MAMDC4: variants seen among roughly 807,000 people sequenced by gnomAD.
MAMDC4 encodes apical endosomal glycoprotein.
Under a neutral mutation model 153.3 loss-of-function variants are expected in MAMDC4, and 168 were observed. The observed-to-expected ratio is 1.10, with a 90% CI of 0.97 to 1.25. MAMDC4 has a LOEUF of 1.25. Among genes scored for constraint, MAMDC4 ranks in the 50% most tolerant of loss-of-function variants. The probability of loss-of-function intolerance (pLI) is 0.00; values close to 1 mark genes in which losing one functional copy is unlikely to be tolerated. For missense variants in MAMDC4, 1,701 were observed against 1,542.8 expected (o/e 1.10, Z -1.72); for synonymous variants, 744 against 651.5 (o/e 1.14, Z -2.16).
In MAMDC4 at chr9:136,857,481, T is replaced by A. The variant is rs377568043; in HGVS notation, c.2221T>A (p.Cys741Ser). ...TTACTGCTCCTTTGAGGACTCAGAC[T>A]GCGGCTTCTCCCCTGGAGGCCAAGG... ...PNYCSFEDSD[C>S]GFSPGGQGLW... is the part of the protein sequence containing the mutation. The change falls in exon 18 of 27, where the codon TGC becomes AGC. Residue 741 changes from cysteine (C) to serine (S), a missense_variant. Cys to Ser is a moderately radical substitution (Grantham distance 112, BLOSUM62 -1). Transcript: ENST00000317446. 1.2e-6 allele frequency: 2 copies of A among 1,609,476 alleles called. 1 individual carries two copies. Among genetic ancestry groups the A allele is most frequent in the South Asian group, 2.2e-5 (2 of 91,088 alleles).
At chr9:136,856,647 C>T in intron 14 of MAMDC4, 63 bp from the exon 15 acceptor site, 6 of 1,537,512 alleles carry the variant, frequency 3.9e-6, no homozygotes, top group African/African-American at 1.4e-5. Flanking sequence ...GGAGCTTCCA[C>T]CTTCTCAGGG....
chr9:136,860,392 G>A (rs1053024909), intron 26 of MAMDC4, among the ~76,000 whole-genome samples, 170 bp from the exon 27 acceptor site: 1 of 152,204 alleles, frequency 6.6e-6, no homozygotes, highest in Non-Finnish European at 1.5e-5. Context: ...ATGGTGGCAG[G>A]AACCTGTAAT....
Position 136,856,666 on chromosome 9 carries a change from G to C in MAMDC4, c.1721-44G>C, listed in dbSNP as rs994907312. ...CTTCCACCTTCTCAGGGCTCTGGAG[G>C]GGGAGGGGAGAAGGTGTGTGACGCC... On this transcript the variant is annotated intron_variant, in intron 14 of 26. Coordinates refer to ENST00000317446, the MANE Select transcript of MAMDC4 (RefSeq NM_206920.3). The C allele has an allele frequency of 2.5e-6, 4 of 1,581,606 alleles. No individual in the cohort carries two copies. The South Asian group carries it at 3.3e-5, about 13-fold the overall frequency.
In MAMDC4 at chr9:136,854,678, T is replaced by G. The variant is rs1305528537; in HGVS notation, c.934+2T>G. ...ACCACAGCCGGAACAGTGCACAGGG[T>G]GAGGCCCACAGAGGACCCGGCCCAG... is the stretch of plus-strand genomic sequence containing the variant. On this transcript the variant is annotated splice_donor_variant, in intron 8 of 26. Transcript: ENST00000317446. LOFTEE classifies it high-confidence loss of function. The G allele has an allele frequency of 1.2e-5, 19 of 1,610,746 alleles. No homozygotes were observed. The highest frequency in any genetic ancestry group is 1.4e-5 in the Non-Finnish European group (17 of 1,179,170).
Position 136,858,176 on chromosome 9 carries a change from C to T in MAMDC4, c.2584-10C>T. 1 of 1,575,980 alleles carries T rather than the reference C, an allele frequency of 6.3e-7. No individual in the cohort carries two copies. The highest frequency in any genetic ancestry group is 8.6e-7 in the Non-Finnish European group (1 of 1,165,820). ...GACCCGCTGAGGCTGCCCTGCCCTG[C>T]ACCCGCCAGGTGGTGTTTGAGGCAG... On this transcript the variant is annotated splice_polypyrimidine_tract_variant and intron_variant, in intron 20 of 26. Coordinates refer to ENST00000317446, the MANE Select transcript of MAMDC4 (RefSeq NM_206920.3).
chr9:136,852,550 C>A, intron 1 of MAMDC4, 88 bp downstream of exon 1: 2 of 1,475,964 alleles, frequency 1.4e-6, no homozygotes, highest in Non-Finnish European at 9.4e-7. Flanking sequence ...GACACCAGGG[C>A]TGATGCCTGA....
rs935835516 is a variant in MAMDC4, at chr9:136,857,208, C to A, written c.2016C>A (p.His672Gln). The change falls in exon 17 of 27, where the codon CAC (histidine) becomes CAA (glutamine). Residue 672 changes from histidine to glutamine, a missense_variant. Transcript: ENST00000317446. ...LAMRREGEET[H>Q]LWSRSGTQGN... The stretch of plus-strand genomic sequence containing the variant: ...TGAGACGGGAAGGGGAGGAGACACA[C>A]CTGTGGTCGCGGTCAGGCACCCAGG... 3.2e-5 allele frequency: 51 copies of A among 1,611,800 alleles called. No individual in the cohort carries two copies. Among genetic ancestry groups the A allele is most frequent in the Non-Finnish European group, 4.3e-5 (51 of 1,179,642 alleles).
At position 136,853,347 on chromosome 9, in the gene MAMDC4, TG is replaced by T. The variant is rs748645107; in HGVS notation, c.218del (p.Cys73SerfsTer70). On this transcript the variant is annotated frameshift_variant, in exon 3 of 27. Coordinates refer to ENST00000317446, the MANE Select transcript of MAMDC4 (RefSeq NM_206920.3). LOFTEE classifies it high-confidence loss of function. ...PFACDFEQDP[C>X]GWRDISTSGY... ...CGCCTGTGACTTCGAGCAGGACCCC[TG>T]CGGCTGGCGGGACATTAGTACCTCA... 52 of 1,606,876 alleles carry T rather than the reference TG, an allele frequency of 3.2e-5. No individual in the cohort carries two copies. The highest frequency in any genetic ancestry group is 4.2e-5 in the Non-Finnish European group (49 of 1,175,704).
At position 136,859,957 on chromosome 9, in the gene MAMDC4, C is replaced by G. The variant is rs898388520; in HGVS notation, c.3265C>G (p.Leu1089Val). 3 of 1,613,108 alleles carry G rather than the reference C, an allele frequency of 1.9e-6. No homozygotes were observed. Among genetic ancestry groups the G allele is most frequent in the Non-Finnish European group, 2.5e-6 (3 of 1,179,934 alleles). ...SALLLLMLLV[L>V]LGLGGRRWLQ... Reference sequence around the variant, plus strand: ...CCTCCTATTGCTCATGCTCCTGGTGCTGCTGGGACTTGGGGGACGGCGCTG... The same window carrying G: ...CCTCCTATTGCTCATGCTCCTGGTGGTGCTGGGACTTGGGGGACGGCGCTG... The change falls in exon 26 of 27, where the codon CTG (leucine) becomes GTG (valine). Residue 1089 changes from leucine (L) to valine (V), a missense_variant. By Grantham distance (32) the Leu-to-Val change is conservative. Transcript: ENST00000317446.
chr9:136,856,390 G>A, intron 14 of MAMDC4: 2 of 822,096 alleles, frequency 2.4e-6, no homozygotes, highest in Non-Finnish European at 4.4e-6. Context: ...GGGTGAGGAG[G>A]GCAGCCCAGA....
chr9:136,859,751 A>G (rs1199692177), intron 25 of MAMDC4, 135 bp from the exon 26 acceptor site: 1 of 892,386 alleles, frequency 1.1e-6, no homozygotes, highest in African/African-American at 1.7e-5. Context: ...AGCAGAACCA[A>G]TACCCTCTGC....
chr9:136,852,486 G>A, intron 1 of MAMDC4, 24 bp downstream of exon 1: 3 of 1,607,706 alleles, frequency 1.9e-6, no homozygotes, highest in Non-Finnish European at 2.5e-6. Flanking sequence ...TCCCACTCCT[G>A]AGGCAGGACC....
rs532362020 is a variant in MAMDC4 at position 136,853,212 on chromosome 9, G to A, written c.154+3G>A. 108 of 1,612,762 alleles carry A rather than the reference G, an allele frequency of 6.7e-5. No homozygotes were observed. In the Admixed American group the frequency reaches 8.8e-4, roughly 13 times the overall value. The stretch of plus-strand genomic sequence containing the variant: ...CTGCTCAGATGAGGCCCAGTGTGGT[G>A]AGCCAAGACCAGATGGGCGGGCAGG... On this transcript the variant is annotated splice_donor_region_variant and intron_variant, in intron 2 of 26. Transcript: ENST00000317446.
Position 136,853,221 on chromosome 9 carries a change from C to T in MAMDC4, c.154+12C>T, listed in dbSNP as rs750750634. On this transcript the variant is annotated intron_variant, in intron 2 of 26. Coordinates refer to ENST00000317446, the MANE Select transcript of MAMDC4 (RefSeq NM_206920.3). ...TGAGGCCCAGTGTGGTGAGCCAAGACCAGATGGGCGGGCAGGGCCAGTGCG... is the reference window on the plus strand; with the variant it reads ...TGAGGCCCAGTGTGGTGAGCCAAGATCAGATGGGCGGGCAGGGCCAGTGCG... The T allele has an allele frequency of 7.4e-6, 12 of 1,612,574 alleles. No individual in the cohort carries two copies. The highest frequency in any genetic ancestry group is 1.0e-5 in the Non-Finnish European group (12 of 1,179,882).
At chr9:136,860,337 T>G (rs780161679) in intron 26 of MAMDC4, among the ~76,000 whole-genome samples, 13 of 152,148 alleles carry the variant, frequency 8.5e-5, no homozygotes, top group Non-Finnish European at 1.8e-4. Flanking sequence ...CTGCCCAACA[T>G]GGTGAAACCC....
Position 136,859,877 on chromosome 9 carries a change from G to A in MAMDC4, c.3194-9G>A. 6.2e-7 allele frequency: 1 copy of A among 1,611,230 alleles called. No individual in the cohort carries two copies. The highest frequency in any genetic ancestry group is 8.5e-7 in the Non-Finnish European group (1 of 1,179,888). Reference sequence around the variant, plus strand: ...CTTTGGAGGGCTCACATGTCCCTATGGCCCACAGGGAACACAGCCGCACCC... The same window carrying A: ...CTTTGGAGGGCTCACATGTCCCTATAGCCCACAGGGAACACAGCCGCACCC... On this transcript the variant is annotated splice_polypyrimidine_tract_variant and intron_variant, in intron 25 of 26. Transcript: ENST00000317446.
rs1285206243 is a variant in MAMDC4, at chr9:136,853,614, T to C, written c.398T>C (p.Leu133Pro). 1 of 1,610,218 alleles carries C rather than the reference T, an allele frequency of 6.2e-7. No homozygotes were observed. Among genetic ancestry groups the C allele is most frequent in the Non-Finnish European group, 8.5e-7 (1 of 1,178,952 alleles). ...ASTAALRSPT[L>P]REAASSCKLR... ...ACCGCAGCCCTGCGCTCGCCAACCC[T>C]GCGAGAGGCAGCCTCCTCTTGCAAG... is the stretch of plus-strand genomic sequence containing the variant. The change falls in exon 4 of 27, where the codon CTG becomes CCG. Residue 133 changes from leucine to proline, a missense_variant. By Grantham distance (98) the Leu-to-Pro change is moderately conservative. Transcript: ENST00000317446.
At position 136,852,383 on chromosome 9, in the gene MAMDC4, C is replaced by G. The variant is rs769478688; in HGVS notation, c.-34C>G. Reference sequence around the variant, plus strand: ...TAACCGCACGGAACTTCCCAGGCACCCTGTGTGGCCGCACTGCTCCCTCTG... The same window carrying G: ...TAACCGCACGGAACTTCCCAGGCACGCTGTGTGGCCGCACTGCTCCCTCTG... On this transcript the variant is annotated 5_prime_UTR_variant, in exon 1 of 27. Transcript: ENST00000317446. 2.5e-6 allele frequency: 4 copies of G among 1,606,802 alleles called. No individual in the cohort carries two copies. The highest frequency in any genetic ancestry group is 1.3e-5 in the African/African-American group (1 of 74,938).
At position 136,857,202 on chromosome 9, in the gene MAMDC4, GAC is replaced by G; in HGVS notation, c.2015_2016del (p.His672ProfsTer60). On this transcript the variant is annotated frameshift_variant, in exon 17 of 27. Transcript: ENST00000317446. LOFTEE classifies it high-confidence loss of function. ...TAGCCATGAGACGGGAAGGGGAGGA[GAC>G]ACACCTGTGGTCGCGGTCAGGCACC... is the stretch of plus-strand genomic sequence containing the variant. ...RLAMRREGEE[T>X]HLWSRSGTQG... 1 of 1,612,224 alleles carries G rather than the reference GAC, an allele frequency of 6.2e-7. No homozygotes were observed. Among genetic ancestry groups the G allele is most frequent in the Non-Finnish European group, 8.5e-7 (1 of 1,179,776 alleles).
Sources: allele counts gnomAD v4.1 joint callset (sites outside exome capture counted in the v4.1 genomes callset), GRCh38; gene constraint gnomAD v4.1.1; transcripts MANE v1.5; gene names NCBI Gene and HGNC (gene_info 2026-07-23, HGNC 2026-07-21).